The following SPNS1 variants were observed in gnomAD, a reference collection of about 807,000 sequenced individuals.
SPNS1 encodes protein spinster homolog 1.
In SPNS1, 22 loss-of-function variants were observed where a neutral mutation model predicts 50.3. The ratio of observed to expected loss-of-function variants is 0.44; its 90% CI spans 0.31 to 0.62. SPNS1 has a LOEUF of 0.62. Ranked by LOEUF, SPNS1 falls within the 20% of genes least tolerant of loss-of-function variation. The pLI is 0.07. For synonymous variants in SPNS1, 295 were observed against 317.4 expected (o/e 0.93, Z 0.75); for missense variants, 576 against 728.6 (o/e 0.79, Z 2.41).
In SPNS1 at chr16:28,976,619, C is replaced by G. The variant is rs145393635; in HGVS notation, c.307+1062C>G. On this transcript the variant is annotated intron_variant, in intron 2 of 11. Coordinates refer to ENST00000311008, the MANE Select transcript of SPNS1 (RefSeq NM_032038.3). ...ACTGAGGCTTGGAGAAGAGTTAAGA[C>G]TTGCCCAGGGTCACACCACCAGTTG... Among the ~76,000 whole-genome samples the G allele has an allele frequency of 1.8e-3, 281 of 152,302 alleles. 2 individuals are homozygous for G. The highest frequency in any genetic ancestry group is 6.8e-3 in the Middle Eastern group (2 of 294).
chr16:28,978,641 C>G (rs187091596), intron 3 of SPNS1: 2 of 161,492 alleles, frequency 1.2e-5, no homozygotes, highest in African/African-American at 2.4e-5. Flanking sequence ...TCTGGCTTTC[C>G]TCCTGCCTCC....
rs769292422 is a variant in SPNS1, at chr16:28,982,424, G to T, written c.1034G>T (p.Arg345Leu). Residue 345 changes from arginine (R) to leucine (L), a missense_variant, in exon 8 of 12, where the codon CGC becomes CTC. By Grantham distance (102) the Arg-to-Leu change is moderately radical. Around this residue, in one of 3 missense-constraint regions of SPNS1, gnomAD observed 428 missense variants for 520.1 expected, o/e 0.82. Coordinates refer to ENST00000311008, the MANE Select transcript of SPNS1 (RefSeq NM_032038.3). The stretch of plus-strand genomic sequence containing the variant: ...GTGGGCCTGGGTGTGGAGATCAGCC[G>T]CCGGCTCCGCCACTCCAACCCCCGG... ...LGVGLGVEIS[R>L]RLRHSNPRAD... 6.2e-7 allele frequency: 1 copy of T among 1,612,884 alleles called. No homozygotes were observed. Among genetic ancestry groups the T allele is most frequent in the Non-Finnish European group, 8.5e-7 (1 of 1,179,322 alleles).
intron 5 of SPNS1, chr16:28,980,354 C>T (rs1965500294): frequency 6.6e-6 from 1 of 151,874 alleles, no homozygotes; most frequent in Non-Finnish European, 1.5e-5. Context: ...TGGTTTTGAA[C>T]TCCTGGCCTC....
rs1965640813 is a variant in SPNS1, at chr16:28,983,684, C to T, written c.1321-102C>T. The T allele has an allele frequency of 2.9e-6, 4 of 1,357,378 alleles. No homozygotes were observed. Among genetic ancestry groups the T allele is most frequent in the Admixed American group, 4.6e-5 (2 of 43,136 alleles). The allele number at this position is 1,357,378 out of a possible 1,614,324, so 84.1% of individuals were successfully genotyped here. On this transcript the variant is annotated intron_variant, in intron 10 of 11. Coordinates refer to ENST00000311008, the MANE Select transcript of SPNS1 (RefSeq NM_032038.3). The surrounding 1 kb of genome is among the most constrained non-coding windows in gnomAD (Gnocchi z 5.4). ...ATCTAGCTCAAACCTCCTTCCCTTT[C>T]CTGGGCTCCACTTGTCTTTCTCCCT... is the stretch of plus-strand genomic sequence containing the variant.
Position 28,983,255 on chromosome 16 carries a change from C to G in SPNS1, c.1285C>G (p.Leu429Val). ...CTTCCAGATCGTGCTGTCCCACCTG[C>G]TGGGTGATGCTGGGAGCCCCTACCT... ...EAFQIVLSHL[L>V]GDAGSPYLIG... is the part of the protein sequence containing the mutation. Residue 429 changes from leucine to valine, a missense_variant, in exon 10 of 12, where the codon CTG becomes GTG. By Grantham distance (32) the Leu-to-Val change is conservative. Around this residue, in one of 3 missense-constraint regions of SPNS1, gnomAD observed 428 missense variants for 520.1 expected, o/e 0.82. Coordinates refer to ENST00000311008, the MANE Select transcript of SPNS1 (RefSeq NM_032038.3). This position sits in a 1 kb window ranked among gnomAD's most constrained non-coding sequence, Gnocchi z 5.4. 1 of 1,614,118 alleles carries G rather than the reference C, an allele frequency of 6.2e-7. No individual in the cohort carries two copies. The highest frequency in any genetic ancestry group is 8.5e-7 in the Non-Finnish European group (1 of 1,179,986).
chr16:28,975,522 A>G lies in SPNS1; in HGVS notation c.272A>G (p.Asn91Ser), dbSNP rs1352255223. The change falls in exon 2 of 12, where the codon AAC (asparagine) becomes AGC (serine). Residue 91 changes from asparagine (N) to serine (S), a missense_variant. This residue lies in a region of SPNS1 where 144 missense variants were observed against 181.2 expected (regional missense o/e 0.79). Coordinates refer to ENST00000311008, the MANE Select transcript of SPNS1 (RefSeq NM_032038.3). ...CTTCCCGACATCGAGCAGTTCTTCA[A>G]CATCGGGGACAGTAGCTCTGGGCTC... ...GVLPDIEQFF[N>S]IGDSSSGLIQ... 1.4e-5 allele frequency: 22 copies of G among 1,614,242 alleles called. No homozygotes were observed. The highest frequency in any genetic ancestry group is 1.8e-5 in the Non-Finnish European group (21 of 1,180,036).
At position 28,983,427 on chromosome 16, in the gene SPNS1, A is replaced by G. The variant is rs1965628004; in HGVS notation, c.1320+137A>G. Reference sequence around the variant, plus strand: ...CCTTCCATTGTCAACTGGAGGAGAAAGATTTTGTCTTTGAATATTTCTACC... The same window carrying G: ...CCTTCCATTGTCAACTGGAGGAGAAGGATTTTGTCTTTGAATATTTCTACC... On this transcript the variant is annotated intron_variant, in intron 10 of 11. Transcript: ENST00000311008. The surrounding 1 kb of genome is among the most constrained non-coding windows in gnomAD (Gnocchi z 5.4). 1.4e-6 allele frequency: 1 copy of G among 724,948 alleles called. No individual in the cohort carries two copies. Among genetic ancestry groups the G allele is most frequent in the Non-Finnish European group, 2.4e-6 (1 of 420,980 alleles). 44.9% of individuals were successfully genotyped at this position (724,948 alleles called of 1,614,324 possible).
At position 28,975,559 on chromosome 16, in the gene SPNS1, T is replaced by G; in HGVS notation, c.307+2T>G. 1 of 1,614,186 alleles carries G rather than the reference T, an allele frequency of 6.2e-7. No homozygotes were observed. Among genetic ancestry groups the G allele is most frequent in the Non-Finnish European group, 8.5e-7 (1 of 1,180,014 alleles). ...GTAGCTCTGGGCTCATCCAGACCGG[T>G]GAGTGGGGACCACTCCTGGTCACAC... is the stretch of plus-strand genomic sequence containing the variant. On this transcript the variant is annotated splice_donor_variant, in intron 2 of 11. Coordinates refer to ENST00000311008, the MANE Select transcript of SPNS1 (RefSeq NM_032038.3). LOFTEE classifies it high-confidence loss of function.
chr16:28,975,791 T>G (rs971392754), intron 2 of SPNS1, among the ~76,000 whole-genome samples: 1 of 152,214 alleles, frequency 6.6e-6, no homozygotes, highest in Non-Finnish European at 1.5e-5. Flanking sequence ...GGTTTAAATC[T>G]CAGCTCTTCC....
chr16:28,975,953 T>C (rs1965326540), intron 2 of SPNS1, among the ~76,000 whole-genome samples: 1 of 152,178 alleles, frequency 6.6e-6, no homozygotes, highest in Admixed American at 6.5e-5. Context: ...GTGCAGTGTT[T>C]GGCACATGGT....
rs1380827443 is a variant in SPNS1 at position 28,983,733 on chromosome 16, T to C, written c.1321-53T>C. 4 of 1,516,564 alleles carry C rather than the reference T, an allele frequency of 2.6e-6. No individual in the cohort carries two copies. The highest frequency in any genetic ancestry group is 1.4e-5 in the African/African-American group (1 of 72,370). The allele number at this position is 1,516,564 out of a possible 1,614,324, so 93.9% of individuals were successfully genotyped here. On this transcript the variant is annotated intron_variant, in intron 10 of 11. Transcript: ENST00000311008. This position sits in a 1 kb window ranked among gnomAD's most constrained non-coding sequence, Gnocchi z 5.4. The stretch of plus-strand genomic sequence containing the variant: ...CTGGAGCTCAGGGGCGTGCCCTCCC[T>C]GGTTCATCCATGAGGCTGACTCCCC...
At position 28,981,770 on chromosome 16, in the gene SPNS1, T is replaced by A; in HGVS notation, c.810-131T>A. 6.7e-7 allele frequency: 1 copy of A among 1,490,272 alleles called. No homozygotes were observed. The highest frequency in any genetic ancestry group is 2.3e-5 in the East Asian group (1 of 43,918). The allele number at this position is 1,490,272 out of a possible 1,614,324, so 92.3% of individuals were successfully genotyped here. On this transcript the variant is annotated intron_variant, in intron 6 of 11. Transcript: ENST00000311008. This position sits in a 1 kb window ranked among gnomAD's most constrained non-coding sequence, Gnocchi z 4.2. Reference sequence around the variant, plus strand: ...CAGCTGCTTGAATTACAGGCCCAGATCCTGGGAGCCAGAACCACCTCTGCA... The same window carrying A: ...CAGCTGCTTGAATTACAGGCCCAGAACCTGGGAGCCAGAACCACCTCTGCA...
rs1018843841 is a variant in SPNS1, at chr16:28,983,514, C to T, written c.1320+224C>T. Among the ~76,000 whole-genome samples, 3 of 152,162 alleles carry T rather than the reference C, an allele frequency of 2.0e-5. No homozygotes were observed. Among genetic ancestry groups the T allele is most frequent in the African/African-American group, 4.8e-5 (2 of 41,454 alleles). ...CCTCCTTTCTTTTCTCTTTTCTTTT[C>T]TTCCTGAGACAAGACCTCACTCTGT... is the stretch of plus-strand genomic sequence containing the variant. On this transcript the variant is annotated intron_variant, in intron 10 of 11. Transcript: ENST00000311008. This position sits in a 1 kb window ranked among gnomAD's most constrained non-coding sequence, Gnocchi z 5.4.
rs1398678088 is a variant in SPNS1 at position 28,982,801 on chromosome 16, A to T, written c.1156-56A>T. The T allele has an allele frequency of 3.1e-6, 5 of 1,588,734 alleles. No individual in the cohort carries two copies. In the African/African-American group the frequency reaches 6.7e-5, roughly 21 times the overall value. ...TAATAGATGAGCTGGGAACATGGTCAACTTTCCATGTGTTAGCCCTTACTG... is the reference window on the plus strand; with the variant it reads ...TAATAGATGAGCTGGGAACATGGTCTACTTTCCATGTGTTAGCCCTTACTG... On this transcript the variant is annotated intron_variant, in intron 8 of 11. Transcript: ENST00000311008.
Position 28,984,315 on chromosome 16 carries a change from C to G in SPNS1, c.*16C>G. The G allele has an allele frequency of 6.2e-7, 1 of 1,609,438 alleles. No homozygotes were observed. The highest frequency in any genetic ancestry group is 1.3e-5 in the African/African-American group (1 of 75,018). ...GCTCATCTGAGAGGCTGCCGCTCAC[C>G]TACCTGCACATCTGCCACAGCTGGC... On this transcript the variant is annotated 3_prime_UTR_variant, in exon 12 of 12. Transcript: ENST00000311008.
chr16:28,978,808 A>C, intron 3 of SPNS1: 1 of 236,160 alleles, frequency 4.2e-6, no homozygotes, highest in Non-Finnish European at 8.5e-6. Flanking sequence ...ACTCCCATCT[A>C]AGGTCACTTA....
At position 28,983,237 on chromosome 16, in the gene SPNS1, A is replaced by G. The variant is rs772511444; in HGVS notation, c.1267A>G (p.Ile423Val). The G allele has an allele frequency of 6.2e-7, 1 of 1,613,992 alleles. No homozygotes were observed. Among genetic ancestry groups the G allele is most frequent in the Non-Finnish European group, 8.5e-7 (1 of 1,179,978 alleles). Residue 423 changes from isoleucine to valine, a missense_variant, in exon 10 of 12, where the codon ATC becomes GTC. Ile to Val is a conservative substitution (Grantham distance 29). Around this residue, in one of 3 missense-constraint regions of SPNS1, gnomAD observed 428 missense variants for 520.1 expected, o/e 0.82. Transcript: ENST00000311008. The surrounding 1 kb of genome is among the most constrained non-coding windows in gnomAD (Gnocchi z 5.4). ...TRRSTAEAFQ[I>V]VLSHLLGDAG... is the part of the protein sequence containing the mutation. ...ACGCTCCACCGCCGAGGCCTTCCAG[A>G]TCGTGCTGTCCCACCTGCTGGGTGA...
At chr16:28,978,994 A>G (rs1965440602) in intron 3 of SPNS1, among the ~76,000 whole-genome samples, 161 bp from the exon 4 acceptor site, 1 of 152,162 alleles carries the variant, frequency 6.6e-6, no homozygotes, top group Admixed American at 6.6e-5. Flanking sequence ...CCCAAATCGC[A>G]GCTAGTAAGT....
In SPNS1 at chr16:28,975,402, C is replaced by G; in HGVS notation, c.241+10C>G. On this transcript the variant is annotated intron_variant, in intron 1 of 11. Transcript: ENST00000311008. Reference sequence around the variant, plus strand: ...CGCTTCACCGTGGCTGGTAGGGACTCACTTCTGGGAGGAAGATAGTCTAGG... The same window carrying G: ...CGCTTCACCGTGGCTGGTAGGGACTGACTTCTGGGAGGAAGATAGTCTAGG... 6.2e-7 allele frequency: 1 copy of G among 1,613,534 alleles called. No homozygotes were observed. The highest frequency in any genetic ancestry group is 8.5e-7 in the Non-Finnish European group (1 of 1,179,518).
Sources: gnomAD v4.1 joint callset for allele counts (sites outside exome capture counted in the v4.1 genomes callset) on GRCh38, gnomAD v4.1.1 for gene constraint, gnomAD v4.1.1 regional missense constraint, Gnocchi (gnomAD v3.1) non-coding constraint, MANE v1.5 for transcripts, NCBI Gene and HGNC (gene_info 2026-07-23, HGNC 2026-07-21) for gene names.